The following MTOR variants were observed in gnomAD, a reference collection of about 807,000 sequenced individuals.
MTOR encodes serine/threonine-protein kinase mTOR.
In MTOR, 70 loss-of-function variants were observed where a neutral mutation model predicts 319.8. The ratio of observed to expected loss-of-function variants is 0.22; its 90% CI spans 0.18 to 0.27. The LOEUF (loss-of-function observed/expected upper bound fraction) is 0.27. MTOR is among the 10% of genes least tolerant of loss of function. MTOR has a pLI of 1.00. For synonymous variants in MTOR, 1,183 were observed against 1,211.4 expected, an observed-to-expected ratio of 0.98 and a Z score of 0.49; for missense variants, 1,890 against 3,274.4, an observed-to-expected ratio of 0.58 and a Z score of 10.32.
intron 12 of MTOR, 144 bp downstream of exon 12, chr1:11,238,258 C>T: frequency 1.1e-6 from 1 of 944,908 alleles, no homozygotes; most frequent in East Asian, 2.6e-5. Context: ...AGTAGCCATG[C>T]CTAACACGCC....
At chr1:11,132,237 G>A (rs1005574167) in intron 38 of MTOR, 1 of 152,178 alleles carries the variant, frequency 6.6e-6, no homozygotes, top group African/African-American at 2.4e-5. Flanking sequence ...TGATTAATAA[G>A]CTTCCAGTTA....
chr1:11,108,360 AC>A, intron 56 of MTOR, 74 bp from the exon 57 acceptor site: 1 of 1,146,346 alleles, frequency 8.7e-7, no homozygotes, highest in Admixed American at 1.7e-5. Flanking sequence ...TGTGGGCTTA[AC>A]TGTCTATGCC....
In MTOR at chr1:11,238,593, C is replaced by T. The variant is rs368440413; in HGVS notation, c.1811G>A (p.Arg604His). 1.2e-6 allele frequency: 2 copies of T among 1,612,508 alleles called. No homozygotes were observed. Among genetic ancestry groups the T allele is most frequent in the Non-Finnish European group, 8.5e-7 (1 of 1,178,748 alleles). Reference sequence around the variant, plus strand: ...GTTCAGGAAATGATCCGCACAGTGGCGAACAAATTGGGTCAGAGAGTGGCC... The same window carrying T: ...GTTCAGGAAATGATCCGCACAGTGGTGAACAAATTGGGTCAGAGAGTGGCC... ...FEGHSLTQFV[R>H]HCADHFLNSE... The change falls in exon 12 of 58, where the codon CGC (arginine) becomes CAC (histidine). Residue 604 changes from arginine to histidine, a missense_variant. Coordinates refer to ENST00000361445, the MANE Select transcript of MTOR (RefSeq NM_004958.4).
intron 28 of MTOR, chr1:11,189,835 A>G (rs1484944702): frequency 6.2e-7 from 1 of 1,614,128 alleles, no homozygotes; most frequent in Non-Finnish European, 8.5e-7. Context: ...GGAGCTGGAG[A>G]GCAACAGCAA....
At chr1:11,260,423 C>A (rs1468811023) in intron 1 of MTOR, among the ~76,000 whole-genome samples, 3 of 151,908 alleles carry the variant, frequency 2.0e-5, no homozygotes, top group Admixed American at 6.6e-5. Flanking sequence ...GTGCCTGTAA[C>A]CCCAGCTACT....
At chr1:11,238,664 G>GACCTACCTGTCT in intron 11 of MTOR, 47 bp from the exon 12 acceptor site, 1 of 1,518,542 alleles carries the variant, frequency 6.6e-7, no homozygotes, top group Non-Finnish European at 9.0e-7. Context: ...TGCTGCTGTA[G>GACCTACCTGTCT]ACAGGTAGGT....
At chr1:11,189,611 G>C (rs971153067) in intron 28 of MTOR, 1 of 1,613,424 alleles carries the variant, frequency 6.2e-7, no homozygotes, top group Non-Finnish European at 8.5e-7. Context: ...GCTGTGACCT[G>C]GCTCTGCATT....
intron 26 of MTOR, among the ~76,000 whole-genome samples, chr1:11,202,226 G>A (rs1257959114): frequency 3.3e-5 from 5 of 152,002 alleles, no homozygotes; most frequent in Non-Finnish European, 7.4e-5. Flanking sequence ...TCAGGAGATC[G>A]AGACCATCCT....
In MTOR at chr1:11,213,468, G is replaced by A; in HGVS notation, c.3216C>T (p.Pro1072=). 6.2e-7 allele frequency: 1 copy of A among 1,613,978 alleles called. No individual in the cohort carries two copies. Among genetic ancestry groups the A allele is most frequent in the South Asian group, 1.1e-5 (1 of 91,072 alleles). Residue 1072 remains proline, a synonymous_variant, in exon 21 of 58, where the codon CCC becomes CCT. Coordinates refer to ENST00000361445, the MANE Select transcript of MTOR (RefSeq NM_004958.4). ...CACGCAGCATGTGTGGGATCAGCTG[G>A]GGCAGGTAGAGCTTAAATTCACCCC... ...ALGGEFKLYL[P]QLIPHMLRVF... is the part of the protein sequence containing the mutation.
At chr1:11,167,233 T>C (rs1001374453) in intron 29 of MTOR, among the ~76,000 whole-genome samples, 2 of 151,254 alleles carry the variant, frequency 1.3e-5, no homozygotes, top group African/African-American at 4.9e-5. Flanking sequence ...ACCCTAGAAC[T>C]TAAAGTATAA....
chr1:11,214,429 T>C (rs1646405357), intron 20 of MTOR, among the ~76,000 whole-genome samples: 1 of 152,158 alleles, frequency 6.6e-6, no homozygotes, highest in South Asian at 2.1e-4. Context: ...AAAGATATCA[T>C]TTCTATCAAC....
chr1:11,166,498 G>A (rs1644647830), intron 29 of MTOR, among the ~76,000 whole-genome samples: 1 of 152,198 alleles, frequency 6.6e-6, no homozygotes, highest in East Asian at 1.9e-4. Flanking sequence ...ATGAAAAAAT[G>A]CTCATCACTG....
chr1:11,158,918 G>A (rs1644394535), intron 29 of MTOR, among the ~76,000 whole-genome samples: 1 of 152,188 alleles, frequency 6.6e-6, no homozygotes, highest in Non-Finnish European at 1.5e-5. Context: ...AAATTTTGCT[G>A]AGAAAGCACA....
chr1:11,261,201 GTAAT>G (rs1392682990), intron 1 of MTOR, among the ~76,000 whole-genome samples: 2 of 151,090 alleles, frequency 1.3e-5, no homozygotes, highest in Non-Finnish European at 2.9e-5. Flanking sequence ...CTAAAAGAAA[GTAAT>G]TAGTTCCTGG....
chr1:11,165,115 T>C (rs533615003), intron 29 of MTOR, among the ~76,000 whole-genome samples: 1 of 152,278 alleles, frequency 6.6e-6, no homozygotes, highest in East Asian at 1.9e-4. Context: ...ATAAGAGATA[T>C]TTATGACAAA....
chr1:11,237,967 G>A lies in MTOR; in HGVS notation c.2084C>T (p.Ala695Val). Reference protein sequence around the residue: ...AHLAQAENLQALFVALNDQVF... With the variant: ...AHLAQAENLQVLFVALNDQVF... ...CTGGTCATTCAGAGCCACAAACAAG[G>A]CCTGCAAGTTCTCCGCCTGGGCCAG... The change falls in exon 13 of 58, where the codon GCC becomes GTC. Residue 695 changes from alanine to valine, a missense_variant. Physicochemically the swap from Ala to Val is moderately conservative, Grantham distance 64. This residue lies in a region of MTOR where 377 missense variants were observed against 653.9 expected (regional missense o/e 0.58). Transcript: ENST00000361445. 1 of 1,614,208 alleles carries A rather than the reference G, an allele frequency of 6.2e-7. No individual in the cohort carries two copies. The highest frequency in any genetic ancestry group is 2.2e-5 in the East Asian group (1 of 44,874).
intron 28 of MTOR, chr1:11,189,936 G>A (rs764501879): frequency 6.2e-6 from 10 of 1,611,722 alleles, no homozygotes; most frequent in South Asian, 1.1e-5. Flanking sequence ...CAGCACAGAC[G>A]GTCACTCAGA....
At chr1:11,204,420 TTG>T (rs1646073690) in intron 26 of MTOR, 139 bp downstream of exon 26, 13 of 1,192,298 alleles carry the variant, frequency 1.1e-5, no homozygotes, top group African/African-American at 1.5e-5. Flanking sequence ...CTTGTTGAAT[TTG>T]TCTTTCTCTT....
rs935640584 is a variant in MTOR, at chr1:11,204,792, T to A, written c.3802-89A>T. 45 of 1,387,640 alleles carry A rather than the reference T, an allele frequency of 3.2e-5. No individual in the cohort carries two copies. The African/African-American group carries it at 6.3e-4, about 19-fold the overall frequency. 86.0% of individuals were successfully genotyped at this position (1,387,640 alleles called of 1,614,324 possible). On this transcript the variant is annotated intron_variant, in intron 25 of 57. Coordinates refer to ENST00000361445, the MANE Select transcript of MTOR (RefSeq NM_004958.4). ...ATCTATTTAATGATTATTCTACTTT[T>A]AGATTTATAAAATCCATCTTTCACG...
Sources: allele counts gnomAD v4.1 joint callset (sites outside exome capture counted in the v4.1 genomes callset), GRCh38; gene constraint gnomAD v4.1.1; regional missense constraint gnomAD v4.1.1; transcripts MANE v1.5; gene names NCBI Gene and HGNC (gene_info 2026-07-23, HGNC 2026-07-21).